Variants in XPO7 observed in about 807,000 individuals in gnomAD.
XPO7 encodes the protein exportin-7.
A neutral mutation model predicts 144.3 loss-of-function variants in XPO7; 21 were observed. The ratio of observed to expected loss-of-function variants is 0.15; its 90% CI spans 0.10 to 0.21. The LOEUF (loss-of-function observed/expected upper bound fraction) is 0.21, where lower values mean the gene tolerates loss of function less well. XPO7 is among the 10% of genes least tolerant of loss of function. The pLI is 1.00. For missense variants in XPO7, 808 were observed against 1,325.8 expected (o/e 0.61, Z 6.06); for synonymous variants, 580 against 499.6 (o/e 1.16, Z -2.15).
chr8:21,990,536 C>A, intron 17 of XPO7, 129 bp downstream of exon 17: 1 of 1,047,120 alleles, frequency 9.5e-7, no homozygotes, highest in Non-Finnish European at 1.4e-6. Context: ...CTGATTCCCA[C>A]GATACTGCCA....
At chr8:21,931,210 T>C (rs1332793832) in intron 1 of XPO7, among the ~76,000 whole-genome samples, 1 of 151,620 alleles carries the variant, frequency 6.6e-6, no homozygotes, top group Non-Finnish European at 1.5e-5. Context: ...TTGACCAGGC[T>C]GGAGTGCAAT....
At chr8:21,970,767 A>G (rs1268502383) in intron 4 of XPO7, among the ~76,000 whole-genome samples, 1 of 152,228 alleles carries the variant, frequency 6.6e-6, no homozygotes, top group Non-Finnish European at 1.5e-5. Flanking sequence ...AGTAGACCAC[A>G]TATACAACAG....
intron 27 of XPO7, 97 bp downstream of exon 27, chr8:22,004,127 T>A: frequency 6.6e-7 from 1 of 1,522,620 alleles, no homozygotes; most frequent in Non-Finnish European, 8.9e-7. Context: ...CATCTGTGTT[T>A]GGAGGCCATC....
chr8:21,920,961 T>C (rs1810262644), intron 1 of XPO7, among the ~76,000 whole-genome samples: 2 of 152,162 alleles, frequency 1.3e-5, no homozygotes, highest in African/African-American at 4.8e-5. Context: ...AGGGACTAAA[T>C]AAAAGACTTA....
intron 1 of XPO7, among the ~76,000 whole-genome samples, chr8:21,954,702 A>C (rs2117297674): frequency 6.6e-6 from 1 of 152,316 alleles, no homozygotes; most frequent in South Asian, 2.1e-4. Flanking sequence ...GTCCCTCTGC[A>C]GTGTAGCTTA....
intron 21 of XPO7, among the ~76,000 whole-genome samples, chr8:21,997,806 GTTTA>G (rs1813001359): frequency 6.6e-6 from 1 of 152,176 alleles, no homozygotes; most frequent in Non-Finnish European, 1.5e-5. Context: ...TGGATTTGGG[GTTTA>G]TTTTAGAGTT....
intron 5 of XPO7, 58 bp downstream of exon 5, chr8:21,971,999 G>A (rs760657723): frequency 1.3e-6 from 2 of 1,522,518 alleles, no homozygotes; most frequent in South Asian, 2.2e-5. Flanking sequence ...TAGTATTGGT[G>A]TTTTCTGCTG....
chr8:21,973,414 T>C (rs1246927835), intron 5 of XPO7, among the ~76,000 whole-genome samples: 1 of 152,230 alleles, frequency 6.6e-6, no homozygotes, highest in African/African-American at 2.4e-5. Context: ...GATTGTATGA[T>C]ACATAATCTA....
At chr8:21,970,932 C>T (rs572669587) in intron 4 of XPO7, among the ~76,000 whole-genome samples, 383 of 152,258 alleles carry the variant, frequency 2.5e-3, no homozygotes, top group African/African-American at 8.7e-3. Flanking sequence ...GCAATGTCCT[C>T]GGCTTTCACA....
intron 21 of XPO7, among the ~76,000 whole-genome samples, chr8:21,996,092 G>A (rs927397391): frequency 1.3e-5 from 2 of 152,216 alleles, no homozygotes; most frequent in East Asian, 3.9e-4. Context: ...TGGGATTACA[G>A]GCGTGAGCCA....
At chr8:21,995,418 C>T (rs919043653) in intron 20 of XPO7, 74 bp from the exon 21 acceptor site, 44 of 1,329,084 alleles carry the variant, frequency 3.3e-5, no homozygotes, top group Non-Finnish European at 4.4e-5. Context: ...TTTTGCTTGG[C>T]TAGTGCTGAA....
At chr8:21,987,944 C>A (rs2117374250) in intron 15 of XPO7, 87 bp downstream of exon 15, 1 of 1,359,524 alleles carries the variant, frequency 7.4e-7, no homozygotes, top group Non-Finnish European at 1.0e-6. Flanking sequence ...GCTGCCAGTG[C>A]CTGGTATTCC....
At position 21,967,045 on chromosome 8, in the gene XPO7, G is replaced by A. The variant is rs755025995; in HGVS notation, c.165+42G>A. On this transcript the variant is annotated intron_variant, in intron 2 of 27. Coordinates refer to ENST00000252512, the MANE Select transcript of XPO7 (RefSeq NM_015024.5). ...AATCCTAAAGGATAACAGGCGCTTC[G>A]GAAACGTTATTCTGGTTCTCTGTGT... The A allele has an allele frequency of 3.4e-5, 54 of 1,587,804 alleles. No homozygotes were observed. The East Asian group carries it at 9.0e-4, about 26-fold the overall frequency.
chr8:21,998,521 T>C (rs1174167368), intron 21 of XPO7, among the ~76,000 whole-genome samples: 1 of 152,224 alleles, frequency 6.6e-6, no homozygotes, highest in Non-Finnish European at 1.5e-5. Context: ...TTTTTTTTTC[T>C]TATAAATGTT....
chr8:21,981,588 C>T (rs962124566), intron 9 of XPO7, 143 bp from the exon 10 acceptor site: 48 of 950,954 alleles, frequency 5.0e-5, no homozygotes, highest in Middle Eastern at 3.4e-4. Flanking sequence ...ATTATGCAGA[C>T]GTATCATTCT....
intron 1 of XPO7, among the ~76,000 whole-genome samples, chr8:21,937,348 A>C (rs898548574): frequency 2.0e-5 from 3 of 152,216 alleles, no homozygotes; most frequent in African/African-American, 7.2e-5. Flanking sequence ...AGGCTGAAGC[A>C]CTTTTAATGT....
intron 1 of XPO7, among the ~76,000 whole-genome samples, chr8:21,948,444 G>C (rs528606652): frequency 1.8e-4 from 28 of 152,238 alleles, no homozygotes; most frequent in African/African-American, 6.3e-4. Context: ...TGTATTGCAG[G>C]TATGCCATCT....
In XPO7 at chr8:21,976,527, A is replaced by G. The variant is rs1243776514; in HGVS notation, c.763+6A>G. The G allele has an allele frequency of 1.9e-6, 3 of 1,608,554 alleles. No individual in the cohort carries two copies. Among genetic ancestry groups the G allele is most frequent in the Non-Finnish European group, 2.5e-6 (3 of 1,176,936 alleles). Reference sequence around the variant, plus strand: ...TCCCACCAGCTGGAGATCAGGTAACAGAACTTCCTCCACCTCAAAGGCTGT... The same window carrying G: ...TCCCACCAGCTGGAGATCAGGTAACGGAACTTCCTCCACCTCAAAGGCTGT... On this transcript the variant is annotated splice_donor_region_variant and intron_variant, in intron 7 of 27. Coordinates refer to ENST00000252512, the MANE Select transcript of XPO7 (RefSeq NM_015024.5).
intron 1 of XPO7, among the ~76,000 whole-genome samples, chr8:21,951,021 A>C (rs1290312766): frequency 6.6e-6 from 1 of 152,048 alleles, no homozygotes; most frequent in Admixed American, 6.6e-5. Flanking sequence ...ACAGCTACCC[A>C]AGAGGCGGAG....
Sources: allele counts gnomAD v4.1 joint callset (sites outside exome capture counted in the v4.1 genomes callset), GRCh38; gene constraint gnomAD v4.1.1; transcripts MANE v1.5; gene names NCBI Gene and HGNC (gene_info 2026-07-23, HGNC 2026-07-21).